TASP1: variants seen among roughly 807,000 people sequenced by gnomAD.
The protein encoded by TASP1 is taspase 1, also known as threonine aspartase 1.
A neutral mutation model predicts 56.6 loss-of-function variants in TASP1; 16 were observed. That is an observed-to-expected ratio of 0.28 (90% CI 0.19 to 0.43). TASP1 has a LOEUF of 0.43. Ranked by LOEUF, TASP1 falls within the 20% of genes least tolerant of loss-of-function variation. The probability of loss-of-function intolerance (pLI) is 1.00; values close to 1 mark genes in which losing one functional copy is unlikely to be tolerated. For synonymous variants in TASP1, 179 were observed against 184.2 expected, an observed-to-expected ratio of 0.97 and a Z score of 0.23; for missense variants, 393 against 511.6, an observed-to-expected ratio of 0.77 and a Z score of 2.24.
intron 3 of TASP1, 58 bp downstream of exon 3, chr20:13,625,127 G>A: frequency 1.6e-6 from 2 of 1,276,232 alleles, no homozygotes; most frequent in Non-Finnish European, 2.1e-6. Flanking sequence ...GAATTTCAAG[G>A]TAAAACTGCT....
intron 8 of TASP1, among the ~76,000 whole-genome samples, chr20:13,557,194 G>GA (rs1267005000): frequency 1.3e-5 from 2 of 151,464 alleles, no homozygotes; most frequent in South Asian, 2.1e-4. Context: ...TAAAAAACTG[G>GA]AAAAAAAATC....
At chr20:13,200,980 A>C in the TASP1 span, among the ~76,000 whole-genome samples, 1 of 152,250 alleles carries the variant, frequency 6.6e-6, no homozygotes, top group Non-Finnish European at 1.5e-5. Context: ...TTAGAAGCTA[A>C]GTGGCTTCAC....
At chr20:13,600,180 G>A (rs931698610) in intron 4 of TASP1, among the ~76,000 whole-genome samples, 3 of 152,142 alleles carry the variant, frequency 2.0e-5, no homozygotes, top group Non-Finnish European at 4.4e-5. Context: ...GGAAAATTCA[G>A]TATTATTAAA....
At chr20:13,600,706 A>G (rs2047922940) in intron 4 of TASP1, 2 of 152,316 alleles carry the variant, frequency 1.3e-5, no homozygotes, top group African/African-American at 2.4e-5. Context: ...ACAAGAAAAA[A>G]TAATTGAATT....
At chr20:13,460,807 CCA>C (rs2044025905) in intron 11 of TASP1, among the ~76,000 whole-genome samples, 1 of 152,236 alleles carries the variant, frequency 6.6e-6, no homozygotes, top group Admixed American at 6.5e-5. Context: ...CTGGTCCAAG[CCA>C]CTACTATCTC....
At chr20:13,192,531 T>A in the TASP1 span, among the ~76,000 whole-genome samples, 1 of 151,790 alleles carries the variant, frequency 6.6e-6, no homozygotes, top group African/African-American at 2.4e-5. Context: ...CAAGACCCTA[T>A]CTCAAAACAC....
At chr20:13,363,834 A>G in the TASP1 span, among the ~76,000 whole-genome samples, 1 of 152,188 alleles carries the variant, frequency 6.6e-6, no homozygotes, top group African/African-American at 2.4e-5. Context: ...TGTTGCATTG[A>G]GTAGTGTGTG....
At chr20:13,238,601 T>C in the TASP1 span, among the ~76,000 whole-genome samples, 1 of 152,180 alleles carries the variant, frequency 6.6e-6, no homozygotes, top group Non-Finnish European at 1.5e-5. Context: ...AACAACAAAG[T>C]TGTTTTTATG....
At position 13,435,056 on chromosome 20, in the gene TASP1, G is replaced by A; in HGVS notation, c.1084C>T (p.Gln362Ter). Residue 362 changes from glutamine (Q) to a stop codon, truncating the protein, a stop_gained, in exon 12 of 14, where the codon CAG becomes TAG. Transcript: ENST00000337743. LOFTEE classifies it high-confidence loss of function. ...ATGTCTCACTTACCTAGAAGTGTCT[G>A]CTTATTTTGGGAGGAGTCAGGCTCG... ...SAEPDSSQNKQTLLVEFLWSH... is the reference protein window; with the variant it reads ...SAEPDSSQNK The A allele has an allele frequency of 6.2e-7, 1 of 1,609,992 alleles. No individual in the cohort carries two copies. Among genetic ancestry groups the A allele is most frequent in the Non-Finnish European group, 8.5e-7 (1 of 1,177,830 alleles).
At chr20:13,265,390 C>T in the TASP1 span, among the ~76,000 whole-genome samples, 8 of 152,280 alleles carry the variant, frequency 5.3e-5, no homozygotes, top group East Asian at 3.9e-4. Context: ...CTGGATTTCT[C>T]TCCTTCATGA....
chr20:13,477,705 C>T (rs1342547932), intron 11 of TASP1, among the ~76,000 whole-genome samples: 2 of 152,154 alleles, frequency 1.3e-5, no homozygotes, highest in Non-Finnish European at 2.9e-5. Flanking sequence ...AAGGAAACTA[C>T]TTATTTCTTC....
chr20:13,253,106 G>C, the TASP1 span, among the ~76,000 whole-genome samples: 1 of 152,150 alleles, frequency 6.6e-6, no homozygotes, highest in Non-Finnish European at 1.5e-5. Flanking sequence ...TGCTCCATTT[G>C]GGGTACTTGC....
the TASP1 span, among the ~76,000 whole-genome samples, chr20:13,296,313 TCCAGGA>T: frequency 1.3e-5 from 2 of 152,078 alleles, no homozygotes; most frequent in African/African-American, 2.4e-5. Flanking sequence ...TAGCTGGAAA[TCCAGGA>T]CCAGTCCCCT....
At chr20:13,184,669 C>A in the TASP1 span, among the ~76,000 whole-genome samples, 1 of 152,204 alleles carries the variant, frequency 6.6e-6, no homozygotes, top group Non-Finnish European at 1.5e-5. Flanking sequence ...ATGTGACATG[C>A]TTTGGCCAAT....
the TASP1 span, among the ~76,000 whole-genome samples, chr20:13,284,791 T>C: frequency 1.3e-5 from 2 of 152,228 alleles, no homozygotes; most frequent in Non-Finnish European, 2.9e-5. Flanking sequence ...TGGCGAGTTC[T>C]ATGCCTAACT....
chr20:13,489,418 C>A (rs899161634), intron 10 of TASP1, among the ~76,000 whole-genome samples: 1 of 152,090 alleles, frequency 6.6e-6, no homozygotes, highest in Non-Finnish European at 1.5e-5. Context: ...ATCCAACTTT[C>A]CATGCCTGCA....
the TASP1 span, among the ~76,000 whole-genome samples, chr20:13,317,129 G>A: frequency 6.6e-6 from 1 of 151,794 alleles, no homozygotes; most frequent in African/African-American, 2.4e-5. Context: ...GTTCATTGCT[G>A]TATACCAACA....
intron 6 of TASP1, among the ~76,000 whole-genome samples, chr20:13,572,705 A>AAAAAAT (rs2046762161): frequency 6.6e-6 from 1 of 150,426 alleles, no homozygotes; most frequent in Non-Finnish European, 1.5e-5. Context: ...AAAAAAAAAA[A>AAAAAAT]CTCTCAAGAA....
At position 13,490,984 on chromosome 20, in the gene TASP1, C is replaced by T. The variant is rs76295194; in HGVS notation, c.875-7647G>A. ...AGAAAAATTTTCTACTACTTTGCTG[C>T]CTCTCATCCTATTCTCTGTATGTTC... is the stretch of plus-strand genomic sequence containing the variant. On this transcript the variant is annotated intron_variant, in intron 10 of 13. Transcript: ENST00000337743. 8.5e-3 allele frequency among the ~76,000 whole-genome samples: 1,287 copies of T among 152,218 alleles called. 23 individuals are homozygous for T. The highest frequency in any genetic ancestry group is 0.029 in the African/African-American group (1,212 of 41,548).
Sources: gnomAD v4.1 joint callset for allele counts (sites outside exome capture counted in the v4.1 genomes callset) on GRCh38, gnomAD v4.1.1 for gene constraint, MANE v1.5 for transcripts, NCBI Gene and HGNC (gene_info 2026-07-23, HGNC 2026-07-21) for gene names.